The following CTIF variants were observed in gnomAD, a reference collection of about 807,000 sequenced individuals.
CTIF encodes the protein cap binding complex dependent translation initiation factor, also known as CBP80/20-dependent translation initiation factor.
In CTIF, 21 loss-of-function variants were observed where a neutral mutation model predicts 66.0. The ratio of observed to expected loss-of-function variants is 0.32; its 90% CI spans 0.23 to 0.46. CTIF has a LOEUF of 0.46. Among genes scored for constraint, CTIF ranks in the 20% least tolerant of loss-of-function variants. The pLI is 1.00. For missense variants in CTIF, 739 were observed against 812.7 expected, an observed-to-expected ratio of 0.91 and a Z score of 1.10; for synonymous variants, 345 against 326.4, an observed-to-expected ratio of 1.06 and a Z score of -0.62.
intron 3 of CTIF, among the ~76,000 whole-genome samples, chr18:48,660,569 G>A (rs905073578): frequency 6.6e-6 from 1 of 152,196 alleles, no homozygotes; most frequent in African/African-American, 2.4e-5. Flanking sequence ...CCCCGCCAGG[G>A]ATACTGCTTT....
At chr18:48,615,428 C>A (rs1039367679) in intron 1 of CTIF, among the ~76,000 whole-genome samples, 3 of 152,182 alleles carry the variant, frequency 2.0e-5, no homozygotes, top group African/African-American at 7.2e-5. Context: ...CTCTGGGCCC[C>A]GCTGCGGAAC....
chr18:48,835,488 C>G (rs2068788681), intron 10 of CTIF, among the ~76,000 whole-genome samples: 1 of 152,212 alleles, frequency 6.6e-6, no homozygotes, highest in Admixed American at 6.5e-5. Context: ...ATGCAGACAT[C>G]TGTGAACCTG....
In CTIF at chr18:48,715,695, A is replaced by G. The variant is rs1405885184; in HGVS notation, c.584+4000A>G. Among the ~76,000 whole-genome samples the G allele has an allele frequency of 2.6e-5, 4 of 152,342 alleles. No homozygotes were observed. The East Asian group carries it at 5.8e-4, about 22-fold the overall frequency. ...TTTAAGAGATGAACACATTAAGGCAATGAATGGATGTTGTAGCCTGAGCTC... is the reference window on the plus strand; with the variant it reads ...TTTAAGAGATGAACACATTAAGGCAGTGAATGGATGTTGTAGCCTGAGCTC... On this transcript the variant is annotated intron_variant, in intron 7 of 11. Transcript: ENST00000256413.
At chr18:48,705,924 T>C (rs2092146968) in intron 6 of CTIF, among the ~76,000 whole-genome samples, 1 of 152,230 alleles carries the variant, frequency 6.6e-6, no homozygotes, top group Non-Finnish European at 1.5e-5. Flanking sequence ...ATGGCACATA[T>C]CAGCTTCTTT....
chr18:48,644,472 A>C (rs1161594448), intron 3 of CTIF, among the ~76,000 whole-genome samples: 2 of 152,230 alleles, frequency 1.3e-5, no homozygotes, highest in African/African-American at 2.4e-5. Context: ...CAAACATGGC[A>C]CAACCTCTGT....
intron 6 of CTIF, 65 bp downstream of exon 6, chr18:48,670,809 G>A (rs951675883): frequency 2.2e-6 from 3 of 1,386,956 alleles, no homozygotes; most frequent in African/African-American, 2.8e-5. Context: ...CCTCTTCCTG[G>A]ACAGGACCTA....
At chr18:48,714,324 G>A (rs911815058) in intron 7 of CTIF, among the ~76,000 whole-genome samples, 4 of 152,182 alleles carry the variant, frequency 2.6e-5, no homozygotes, top group African/African-American at 9.7e-5. Context: ...GAAGTGACCA[G>A]AATCAGATTT....
At chr18:48,541,206 C>G (rs2088608664) in intron 1 of CTIF, among the ~76,000 whole-genome samples, 1 of 152,250 alleles carries the variant, frequency 6.6e-6, no homozygotes, top group African/African-American at 2.4e-5. Context: ...AGTGGGAGCC[C>G]AAGCCCAGCG....
chr18:48,740,397 G>A (rs890894519), intron 7 of CTIF, among the ~76,000 whole-genome samples: 4 of 152,102 alleles, frequency 2.6e-5, no homozygotes, highest in South Asian at 2.1e-4. Flanking sequence ...ACCTCTTCCT[G>A]CAACCCCACC....
chr18:48,638,178 G>A (rs927311495), intron 3 of CTIF, among the ~76,000 whole-genome samples: 1 of 152,062 alleles, frequency 6.6e-6, no homozygotes, highest in Admixed American at 6.5e-5. Flanking sequence ...AGTTATTCTG[G>A]GGTCTCCTAA....
intron 10 of CTIF, among the ~76,000 whole-genome samples, chr18:48,851,841 C>G (rs549673986): frequency 1.3e-5 from 2 of 152,324 alleles, no homozygotes; most frequent in South Asian, 2.1e-4. Flanking sequence ...TACCTTCCCC[C>G]TTTCCTGTGA....
rs1268495626 is a variant in CTIF, at chr18:48,761,229, AG to A, written c.1072-157del. 1.6e-6 allele frequency: 1 copy of A among 635,372 alleles called. No homozygotes were observed. The highest frequency in any genetic ancestry group is 2.7e-6 in the Non-Finnish European group (1 of 371,126). 39.4% of individuals were successfully genotyped at this position (635,372 alleles called of 1,614,324 possible). On this transcript the variant is annotated intron_variant, in intron 8 of 11. Coordinates refer to ENST00000256413, the MANE Select transcript of CTIF (RefSeq NM_014772.3). This position sits in a 1 kb window ranked among gnomAD's most constrained non-coding sequence, Gnocchi z 4.2. Reference sequence around the variant, plus strand: ...GGCAACAAGGAGCTTTTGGCGCATGAGGGGTCTTTGGTGGAGGTTCCCAGAG... The same window carrying A: ...GGCAACAAGGAGCTTTTGGCGCATGAGGGTCTTTGGTGGAGGTTCCCAGAG...
At chr18:48,727,412 G>A (rs547043492) in intron 7 of CTIF, among the ~76,000 whole-genome samples, 1 of 152,170 alleles carries the variant, frequency 6.6e-6, no homozygotes, top group South Asian at 2.1e-4. Flanking sequence ...ATGAAAGGTA[G>A]CATGTCTTTG....
At chr18:48,646,324 T>G (rs1253457108) in intron 3 of CTIF, among the ~76,000 whole-genome samples, 1 of 152,048 alleles carries the variant, frequency 6.6e-6, no homozygotes, top group Non-Finnish European at 1.5e-5. Context: ...ACAAAAAATA[T>G]GCAACATCAT....
intron 10 of CTIF, among the ~76,000 whole-genome samples, chr18:48,823,295 T>G (rs1467289039): frequency 6.6e-6 from 1 of 152,234 alleles, no homozygotes; most frequent in Non-Finnish European, 1.5e-5. Flanking sequence ...TTTTACAGTT[T>G]CAGGTCTTAT....
intron 1 of CTIF, among the ~76,000 whole-genome samples, chr18:48,588,912 G>A (rs576020489): frequency 7.3e-5 from 11 of 150,534 alleles, no homozygotes; most frequent in Non-Finnish European, 1.3e-4. Flanking sequence ...CCACACAGTG[G>A]CTGAGGGCAC....
intron 1 of CTIF, among the ~76,000 whole-genome samples, chr18:48,618,729 G>A (rs377239158): frequency 2.6e-5 from 4 of 152,338 alleles, no homozygotes; most frequent in African/African-American, 9.6e-5. Flanking sequence ...AGAGATTGCA[G>A]TTCTGTTGGT....
chr18:48,844,554 G>T (rs939364103), intron 10 of CTIF, among the ~76,000 whole-genome samples: 2 of 152,214 alleles, frequency 1.3e-5, no homozygotes, highest in Non-Finnish European at 2.9e-5. Context: ...TCCCTCTGGG[G>T]CGCCTGGTCC....
At chr18:48,748,942 G>A (rs1207136051) in intron 7 of CTIF, among the ~76,000 whole-genome samples, 1 of 152,222 alleles carries the variant, frequency 6.6e-6, no homozygotes, top group Non-Finnish European at 1.5e-5. Context: ...CCTTCATTAA[G>A]TGAGCCCAGG....
Sources: allele counts gnomAD v4.1 joint callset (sites outside exome capture counted in the v4.1 genomes callset), GRCh38; gene constraint gnomAD v4.1.1; non-coding constraint Gnocchi (gnomAD v3.1); transcripts MANE v1.5; gene names NCBI Gene and HGNC (gene_info 2026-07-23, HGNC 2026-07-21).